ASH1L: variants seen among roughly 807,000 people sequenced by gnomAD.
The protein encoded by ASH1L is histone-lysine N-methyltransferase ASH1L.
A neutral mutation model predicts 269.0 loss-of-function variants in ASH1L; 23 were observed. The observed-to-expected ratio is 0.09, with a 90% CI of 0.06 to 0.12. ASH1L has a LOEUF of 0.12. Ranked by LOEUF, ASH1L falls within the 10% of genes least tolerant of loss-of-function variation. The pLI is 1.00. For missense variants in ASH1L, 2,912 were observed against 3,567.8 expected, an observed-to-expected ratio of 0.82 and a Z score of 4.68; for synonymous variants, 1,187 against 1,253.5, an observed-to-expected ratio of 0.95 and a Z score of 1.12.
intron 1 of ASH1L, among the ~76,000 whole-genome samples, chr1:155,524,949 T>G (rs1453308569): frequency 6.6e-6 from 1 of 152,094 alleles, no homozygotes; most frequent in Non-Finnish European, 1.5e-5. Context: ...AATAATAATT[T>G]TAAAAGTTCA....
chr1:155,525,114 G>T (rs760832277), intron 1 of ASH1L, among the ~76,000 whole-genome samples: 1 of 151,868 alleles, frequency 6.6e-6, no homozygotes, highest in East Asian at 1.9e-4. Flanking sequence ...CAGCATGGTG[G>T]TGCACACCTA....
chr1:155,375,166 G>T (rs1322434546), intron 10 of ASH1L, among the ~76,000 whole-genome samples: 1 of 151,728 alleles, frequency 6.6e-6, no homozygotes, highest in Non-Finnish European at 1.5e-5. Flanking sequence ...ACTGCATCCG[G>T]ATTTAAAAAA....
intron 5 of ASH1L, among the ~76,000 whole-genome samples, chr1:155,422,738 T>A (rs1343350764): frequency 2.7e-5 from 4 of 150,810 alleles, no homozygotes; most frequent in Admixed American, 6.6e-5. Flanking sequence ...AGCCTCCACC[T>A]CCTGGGTTCA....
intron 24 of ASH1L, among the ~76,000 whole-genome samples, chr1:155,342,702 A>C (rs192946642): frequency 6.6e-6 from 1 of 152,322 alleles, no homozygotes. Flanking sequence ...GAACTCTTTA[A>C]AATAGATAGT....
intron 12 of ASH1L, among the ~76,000 whole-genome samples, chr1:155,364,615 T>G (rs1032571277): frequency 6.6e-6 from 1 of 152,126 alleles, no homozygotes; most frequent in Non-Finnish European, 1.5e-5. Flanking sequence ...TATTCTTTTT[T>G]AAAGTACCCA....
intron 1 of ASH1L, among the ~76,000 whole-genome samples, chr1:155,542,658 T>C (rs575402937): frequency 1.1e-3 from 166 of 150,466 alleles, no homozygotes; most frequent in Non-Finnish European, 2.1e-3. Context: ...GAAGGCAAAA[T>C]TCATGCTGTA....
intron 20 of ASH1L, among the ~76,000 whole-genome samples, chr1:155,346,725 T>TAGGAAAACAAATAGACTACTGAAC (rs1297787015): frequency 6.6e-6 from 1 of 152,198 alleles, no homozygotes; most frequent in Non-Finnish European, 1.5e-5. Context: ...GGACAGAGAA[T>TAGGAAAACAAATAGACTACTGAAC]AGGAAAACAA....
intron 7 of ASH1L, among the ~76,000 whole-genome samples, chr1:155,389,014 CT>C (rs1355485059): frequency 7.1e-6 from 1 of 141,602 alleles, no homozygotes; most frequent in African/African-American, 2.6e-5. Context: ...TGGACTAATT[CT>C]TTTTTTTTGA....
intron 7 of ASH1L, 91 bp from the exon 8 acceptor site, chr1:155,380,207 A>T: frequency 1.1e-6 from 1 of 872,876 alleles, no homozygotes. Flanking sequence ...ACATGTACTG[A>T]CTAAAAAAAT....
At chr1:155,488,739 T>TA (rs1173742239) in intron 2 of ASH1L, among the ~76,000 whole-genome samples, 4 of 149,398 alleles carry the variant, frequency 2.7e-5, no homozygotes, top group Non-Finnish European at 5.9e-5. Flanking sequence ...ATTATCCTCT[T>TA]ACACTTGTAA....
chr1:155,341,816 T>C, intron 25 of ASH1L, 120 bp downstream of exon 25: 1 of 981,552 alleles, frequency 1.0e-6, no homozygotes, highest in Non-Finnish European at 1.6e-6. Flanking sequence ...GAGATATCCA[T>C]AGTTTGGGAT....
intron 1 of ASH1L, among the ~76,000 whole-genome samples, chr1:155,539,810 T>C (rs1039377345): frequency 6.6e-6 from 1 of 151,650 alleles, no homozygotes; most frequent in African/African-American, 2.4e-5. Flanking sequence ...GGCAGGAAGA[T>C]CGCTTGAGGC....
Position 155,552,387 on chromosome 1 carries a change from G to C in ASH1L, c.-100+9766C>G, listed in dbSNP as rs1671279790. On this transcript the variant is annotated intron_variant, in intron 1 of 27. Coordinates refer to ENST00000392403, the MANE Select transcript of ASH1L (RefSeq NM_018489.3). ...AGGCTGAGGCAGGAGAATTGCTTGAGCCCAGGAGACGGAGTTTGCAGTGAG... is the reference window on the plus strand; with the variant it reads ...AGGCTGAGGCAGGAGAATTGCTTGACCCCAGGAGACGGAGTTTGCAGTGAG... Among the ~76,000 whole-genome samples, 4 of 151,852 alleles carry C rather than the reference G, an allele frequency of 2.6e-5. No individual in the cohort carries two copies. The South Asian group carries it at 8.3e-4, about 31-fold the overall frequency.
chr1:155,360,075 A>T (rs1469693780), intron 13 of ASH1L, among the ~76,000 whole-genome samples: 1 of 151,964 alleles, frequency 6.6e-6, no homozygotes, highest in Non-Finnish European at 1.5e-5. Flanking sequence ...TATTTTTGAT[A>T]GACAGGGTTT....
intron 2 of ASH1L, among the ~76,000 whole-genome samples, chr1:155,487,406 C>A (rs1437423013): frequency 3.9e-5 from 6 of 152,058 alleles, no homozygotes; most frequent in East Asian, 1.9e-4. Flanking sequence ...AAGACAGGGT[C>A]TCACTCTGTG....
chr1:155,430,255 T>G (rs1314021294), intron 5 of ASH1L, among the ~76,000 whole-genome samples: 1 of 152,072 alleles, frequency 6.6e-6, no homozygotes, highest in Admixed American at 6.6e-5. Context: ...GGACTACAGG[T>G]GTGAGCCACC....
At chr1:155,339,242 G>T in intron 26 of ASH1L, 86 bp downstream of exon 26, 1 of 1,221,844 alleles carries the variant, frequency 8.2e-7, no homozygotes, top group Non-Finnish European at 1.2e-6. Flanking sequence ...TAGAAGTGGA[G>T]CTGAGTGGGT....
At chr1:155,451,125 A>T (rs1663428201) in intron 4 of ASH1L, among the ~76,000 whole-genome samples, 1 of 149,732 alleles carries the variant, frequency 6.7e-6, no homozygotes, top group Non-Finnish European at 1.5e-5. Flanking sequence ...TGAACCCAGG[A>T]GGTAGAGGTT....
rs113975938 is a variant in ASH1L, at chr1:155,436,521, G to A, written c.5828+1806C>T. Among the ~76,000 whole-genome samples the A allele has an allele frequency of 3.9e-3, 392 of 100,012 alleles. 2 individuals are homozygous for A. The highest frequency in any genetic ancestry group is 0.029 in the Middle Eastern group (3 of 104). The allele number at this position is 100,012 out of a possible 152,430, so 65.6% of individuals were successfully genotyped here. A position where few individuals can be genotyped will look rare whatever the true frequency, so the allele number is the denominator to read the frequency against. On this transcript the variant is annotated intron_variant, in intron 5 of 27. Transcript: ENST00000392403. ...TTTTTTTTTTTTTTTTTTTGAGAAGGAGTCTCGCTTTGTCACCCAGGCTGG... is the reference window on the plus strand; with the variant it reads ...TTTTTTTTTTTTTTTTTTTGAGAAGAAGTCTCGCTTTGTCACCCAGGCTGG...
Sources: gnomAD v4.1 joint callset for allele counts (sites outside exome capture counted in the v4.1 genomes callset) on GRCh38, gnomAD v4.1.1 for gene constraint, MANE v1.5 for transcripts, NCBI Gene and HGNC (gene_info 2026-07-23, HGNC 2026-07-21) for gene names.